Variants in SPON1 observed in about 807,000 individuals in gnomAD.
SPON1 encodes spondin 1.
Under a neutral mutation model 111.7 loss-of-function variants are expected in SPON1, and 52 were observed. That is an observed-to-expected ratio of 0.47 (90% CI 0.37 to 0.59). The LOEUF (loss-of-function observed/expected upper bound fraction) is 0.59. Among genes scored for constraint, SPON1 ranks in the 20% least tolerant of loss-of-function variants. The pLI, the probability that SPON1 is intolerant of heterozygous loss-of-function variation, is 0.00. For synonymous variants in SPON1, 410 were observed against 395.8 expected, an observed-to-expected ratio of 1.04 and a Z score of -0.43; for missense variants, 957 against 1,068.5, an observed-to-expected ratio of 0.90 and a Z score of 1.46.
intron 6 of SPON1, among the ~76,000 whole-genome samples, chr11:14,211,974 T>A (rs1343755997): frequency 1.3e-5 from 2 of 152,202 alleles, no homozygotes; most frequent in Non-Finnish European, 2.9e-5. Flanking sequence ...AATCCATTAT[T>A]GATTCATTAT....
chr11:14,263,401 TTCA>T (rs569236844), intron 15 of SPON1, among the ~76,000 whole-genome samples: 175 of 152,244 alleles, frequency 1.1e-3, no homozygotes, highest in African/African-American at 4.0e-3. Flanking sequence ...TCTTGTCTTG[TTCA>T]TCATTTAGGG....
At chr11:14,104,048 A>G (rs762756674) in intron 5 of SPON1, among the ~76,000 whole-genome samples, 52 of 152,236 alleles carry the variant, frequency 3.4e-4, no homozygotes, top group Non-Finnish European at 7.4e-4. Context: ...AACTTTTACC[A>G]TAATTCTACC....
chr11:14,129,038 G>A (rs1847496684), intron 5 of SPON1, among the ~76,000 whole-genome samples: 1 of 152,220 alleles, frequency 6.6e-6, no homozygotes, highest in Non-Finnish European at 1.5e-5. Context: ...TCCCTCCTTG[G>A]TCTCCCAGCC....
chr11:14,140,530 G>A (rs1234742613), intron 6 of SPON1, among the ~76,000 whole-genome samples: 9 of 152,102 alleles, frequency 5.9e-5, no homozygotes, highest in Non-Finnish European at 1.2e-4. Flanking sequence ...GAGTAGCTGG[G>A]ATTACAGGCG....
At chr11:14,106,388 C>CA (rs1442819551) in intron 5 of SPON1, among the ~76,000 whole-genome samples, 9 of 152,122 alleles carry the variant, frequency 5.9e-5, no homozygotes, top group African/African-American at 2.2e-4. Flanking sequence ...AATTTGCACA[C>CA]AAAATTCTGC....
Position 14,262,954 on chromosome 11 carries a change from T to C in SPON1, c.2239T>C (p.Ser747Pro). ...GCGGAGTGAGCAGCTGAAGGAAGAG[T>C]CTGAAGGGGAGCAGTTCCCAGGTAT... The part of the protein sequence containing the change: ...SRRSEQLKEE[S>P]EGEQFPGCRM... The change falls in exon 15 of 16, where the codon TCT becomes CCT. Residue 747 changes from serine (S) to proline (P), a missense_variant. Coordinates refer to ENST00000576479, the MANE Select transcript of SPON1 (RefSeq NM_006108.4). 6.2e-7 allele frequency: 1 copy of C among 1,611,574 alleles called. No homozygotes were observed. The highest frequency in any genetic ancestry group is 1.3e-5 in the African/African-American group (1 of 74,182).
chr11:14,210,523 C>T (rs1212547161), intron 6 of SPON1, among the ~76,000 whole-genome samples: 2 of 151,970 alleles, frequency 1.3e-5, no homozygotes, highest in Admixed American at 1.3e-4. Flanking sequence ...CTCAGCCTCC[C>T]GAGTAGCTGG....
In SPON1 at chr11:14,249,453, A is replaced by G. The variant is rs1256934104; in HGVS notation, c.891-5075A>G. 4.6e-5 allele frequency among the ~76,000 whole-genome samples: 7 copies of G among 152,350 alleles called. No homozygotes were observed. In the South Asian group the frequency reaches 1.0e-3, roughly 23 times the overall value. ...CTGGTTATAAACACAGCGTTTTCCAACGTTGCAGGAACCTCCCTCAAACCT... is the reference window on the plus strand; with the variant it reads ...CTGGTTATAAACACAGCGTTTTCCAGCGTTGCAGGAACCTCCCTCAAACCT... On this transcript the variant is annotated intron_variant, in intron 7 of 15. Coordinates refer to ENST00000576479, the MANE Select transcript of SPON1 (RefSeq NM_006108.4).
At position 14,161,084 on chromosome 11, in the gene SPON1, T is replaced by A. The variant is rs60582636; in HGVS notation, c.825+25516T>A. 7.8e-4 allele frequency among the ~76,000 whole-genome samples: 23 copies of A among 29,494 alleles called. 4 individuals are homozygous for A. The highest frequency in any genetic ancestry group is 3.9e-3 in the South Asian group (4 of 1,018). The allele number at this position is 29,494 out of a possible 152,430, so 19.3% of individuals were successfully genotyped here. A position where few individuals can be genotyped will look rare whatever the true frequency, so the allele number is the denominator to read the frequency against. ...ATATATATCTATAATTTTTATATAT[T>A]TATATATATCTATATATTTTATATA... On this transcript the variant is annotated intron_variant, in intron 6 of 15. Coordinates refer to ENST00000576479, the MANE Select transcript of SPON1 (RefSeq NM_006108.4).
At chr11:14,170,569 G>A (rs1178640717) in intron 6 of SPON1, among the ~76,000 whole-genome samples, 3 of 151,830 alleles carry the variant, frequency 2.0e-5, no homozygotes, top group African/African-American at 7.3e-5. Flanking sequence ...TCCCTGTCTT[G>A]TGCCAGTTTT....
At position 14,107,669 on chromosome 11, in the gene SPON1, G is replaced by A. The variant is rs1455263034; in HGVS notation, c.676+27648G>A. On this transcript the variant is annotated intron_variant, in intron 5 of 15. Transcript: ENST00000576479. Reference sequence around the variant, plus strand: ...AAAGCCTAAGAAGTAAACTAAAATAGGAAGGTGGGAGAGAGAGCAAGTTCT... The same window carrying A: ...AAAGCCTAAGAAGTAAACTAAAATAAGAAGGTGGGAGAGAGAGCAAGTTCT... Among the ~76,000 whole-genome samples the A allele has an allele frequency of 2.6e-5, 4 of 151,602 alleles. No individual in the cohort carries two copies. In the South Asian group the frequency reaches 6.2e-4, roughly 24 times the overall value.
intron 2 of SPON1, among the ~76,000 whole-genome samples, chr11:14,008,389 C>T (rs1213502797): frequency 1.3e-5 from 2 of 152,216 alleles, no homozygotes; most frequent in Admixed American, 6.5e-5. Flanking sequence ...TTGGAGGGCC[C>T]TTGACCTGCC....
intron 2 of SPON1, among the ~76,000 whole-genome samples, chr11:13,996,566 G>T (rs1848273699): frequency 1.3e-5 from 2 of 152,088 alleles, no homozygotes; most frequent in Admixed American, 6.5e-5. Context: ...CTTGTGTTTT[G>T]TGTTATAAAA....
chr11:14,120,407 A>G (rs1383523390), intron 5 of SPON1, among the ~76,000 whole-genome samples: 1 of 151,824 alleles, frequency 6.6e-6, no homozygotes, highest in Admixed American at 6.6e-5. Flanking sequence ...ATGTTGCTTT[A>G]GCCCTCACTG....
intron 6 of SPON1, among the ~76,000 whole-genome samples, chr11:14,160,985 A>ATATATTTATATATC (rs1847940148): frequency 1.7e-5 from 1 of 57,484 alleles, no homozygotes; most frequent in African/African-American, 6.5e-5. Context: ...TTATATATTT[A>ATATATTTATATATC]TATATATTTT....
chr11:14,225,427 T>C (rs1848727320), intron 6 of SPON1, among the ~76,000 whole-genome samples: 1 of 152,164 alleles, frequency 6.6e-6, no homozygotes, highest in Admixed American at 6.5e-5. Context: ...CCTTACTGCC[T>C]GAGTAAGGAA....
At chr11:14,061,194 T>G (rs1848788798) in intron 3 of SPON1, among the ~76,000 whole-genome samples, 1 of 152,182 alleles carries the variant, frequency 6.6e-6, no homozygotes, top group Non-Finnish European at 1.5e-5. Context: ...GAATAAAATT[T>G]TATCTGCCTG....
chr11:13,986,400 T>G (rs1848185146), intron 2 of SPON1, among the ~76,000 whole-genome samples: 1 of 152,192 alleles, frequency 6.6e-6, no homozygotes, highest in South Asian at 2.1e-4. Flanking sequence ...TTAACATATT[T>G]GTTGGATACG....
At chr11:14,147,016 C>CTTTTT (rs1564915432) in intron 6 of SPON1, among the ~76,000 whole-genome samples, 1 of 123,236 alleles carries the variant, frequency 8.1e-6, no homozygotes, top group African/African-American at 3.1e-5. Flanking sequence ...CATGAAAGAA[C>CTTTTT]CTTTTTTTTT....
Sources: allele counts gnomAD v4.1 joint callset (sites outside exome capture counted in the v4.1 genomes callset), GRCh38; gene constraint gnomAD v4.1.1; transcripts MANE v1.5; gene names NCBI Gene and HGNC (gene_info 2026-07-23, HGNC 2026-07-21).